Variants in RIBC2 observed in about 807,000 individuals in gnomAD.
RIBC2 encodes RIB43A domain with coiled-coils 2.
A neutral mutation model predicts 44.3 loss-of-function variants in RIBC2; 40 were observed. The ratio of observed to expected loss-of-function variants is 0.90; its 90% CI spans 0.70 to 1.18. The LOEUF (loss-of-function observed/expected upper bound fraction) is 1.18. RIBC2 is among the 50% of genes most tolerant of loss of function. RIBC2 has a pLI of 0.00. For synonymous variants in RIBC2, 171 were observed against 175.0 expected, an observed-to-expected ratio of 0.98 and a Z score of 0.18; for missense variants, 459 against 485.5, an observed-to-expected ratio of 0.95 and a Z score of 0.51.
intron 2 of RIBC2, among the ~76,000 whole-genome samples, chr22:45,416,540 C>T (rs753915523): frequency 2.0e-5 from 3 of 152,174 alleles, no homozygotes; most frequent in East Asian, 1.9e-4. Flanking sequence ...CGGCTCACTG[C>T]AACCTCTGCC....
chr22:45,417,924 C>T lies in RIBC2; in HGVS notation c.534C>T (p.Ala178=), dbSNP rs1269312163. ...SLQQQREWKN[A]RAEQKCAEAL... is the part of the protein sequence containing the mutation. ...AGCAGCAAAGGGAATGGAAGAACGC[C>T]CGTGCTGAACAAAAATGCGCAGGTA... The change falls in exon 3 of 7, where the codon GCC becomes GCT. Residue 178 remains alanine (A), a synonymous_variant. Transcript: ENST00000614167. 4.4e-6 allele frequency: 7 copies of T among 1,603,760 alleles called. No homozygotes were observed. The highest frequency in any genetic ancestry group is 6.0e-6 in the Non-Finnish European group (7 of 1,174,462).
intron 3 of RIBC2, 153 bp downstream of exon 3, chr22:45,418,099 G>T: frequency 1.7e-6 from 1 of 581,396 alleles, no homozygotes. Flanking sequence ...CTACCAATGT[G>T]CACAGACAGC....
In RIBC2 at chr22:45,430,883, G is replaced by T. The variant is rs561296708; in HGVS notation, c.904-17G>T. 4.5e-6 allele frequency: 7 copies of T among 1,550,390 alleles called. No individual in the cohort carries two copies. Among genetic ancestry groups the T allele is most frequent in the Middle Eastern group, 1.8e-4 (1 of 5,572 alleles). On this transcript the variant is annotated splice_polypyrimidine_tract_variant and intron_variant, in intron 5 of 6. Coordinates refer to ENST00000614167, the MANE Select transcript of RIBC2 (RefSeq NM_015653.5). ...CTCTGGGGAAAGGTGGTGGTGAGCC[G>T]CCTCTTTTCCTTCCAGAGGCTCCAG...
Position 45,417,699 on chromosome 22 carries a change from A to G in RIBC2, c.309A>G (p.Gln103=). Residue 103 remains glutamine (Q), a synonymous_variant, in exon 3 of 7, where the codon CAA becomes CAG. Transcript: ENST00000614167. ...TCTGTAGGGCTATCAATGACTTCCA[A>G]CAGAGCTTTCAGAAGCCAGAAACTC... is the stretch of plus-strand genomic sequence containing the variant. The part of the protein sequence containing the change: ...KNLCRAINDF[Q]QSFQKPETRR... 8 of 1,614,198 alleles carry G rather than the reference A, an allele frequency of 5.0e-6. No individual in the cohort carries two copies. Among genetic ancestry groups the G allele is most frequent in the South Asian group, 1.1e-5 (1 of 91,074 alleles).
chr22:45,431,612 G>A (rs775669661), intron 6 of RIBC2, among the ~76,000 whole-genome samples: 9 of 152,118 alleles, frequency 5.9e-5, no homozygotes, highest in East Asian at 1.9e-4. Context: ...TCTCCAATCC[G>A]ATATCTGGTT....
chr22:45,414,449 C>T (rs1223744517), intron 2 of RIBC2, 46 bp downstream of exon 2: 2 of 1,341,224 alleles, frequency 1.5e-6, no homozygotes, highest in Admixed American at 2.5e-5. Flanking sequence ...GATTGTGTGG[C>T]TTTAGACTCC....
At chr22:45,421,447 C>T (rs1328725062) in intron 3 of RIBC2, among the ~76,000 whole-genome samples, 1 of 146,130 alleles carries the variant, frequency 6.8e-6, no homozygotes, top group Non-Finnish European at 1.5e-5. Context: ...ATAAATTCAT[C>T]TAACTTCTCT....
intron 4 of RIBC2, among the ~76,000 whole-genome samples, chr22:45,422,873 C>T (rs1182944122): frequency 6.6e-6 from 1 of 152,100 alleles, no homozygotes; most frequent in African/African-American, 2.4e-5. Flanking sequence ...CTCCTGAGAC[C>T]TCCCACCTCC....
intron 2 of RIBC2, among the ~76,000 whole-genome samples, chr22:45,414,843 C>G (rs567409372): frequency 6.6e-6 from 1 of 151,980 alleles, no homozygotes; most frequent in South Asian, 2.1e-4. Context: ...ATAGGAAAAG[C>G]CTTAAACACA....
At chr22:45,415,267 G>T (rs1032476911) in intron 2 of RIBC2, among the ~76,000 whole-genome samples, 1 of 148,286 alleles carries the variant, frequency 6.7e-6, no homozygotes, top group Non-Finnish European at 1.5e-5. Context: ...AGAAAAAAAA[G>T]CAGGATACAA....
At chr22:45,417,565 G>A (rs5764723) in intron 2 of RIBC2, 37 bp from the exon 3 acceptor site, 154,192 of 1,450,484 alleles carry the variant, frequency 0.11, 8,664 homozygotes, top group South Asian at 0.17. Flanking sequence ...TTTTTCCTCT[G>A]AATCCTAAGC....
Position 45,422,374 on chromosome 22 carries a change from T to C in RIBC2, c.641T>C (p.Val214Ala), listed in dbSNP as rs1394496538. The change falls in exon 4 of 7, where the codon GTT (valine) becomes GCT (alanine). Residue 214 changes from valine to alanine, a missense_variant. Coordinates refer to ENST00000614167, the MANE Select transcript of RIBC2 (RefSeq NM_015653.5). ...CTGGAAAGCACCACCAGAAAGGCAG[T>C]TTGTGCATCTGTGAAAGACTTCAAC... ...QKLESTTRKA[V>A]CASVKDFNKS... 6.2e-7 allele frequency: 1 copy of C among 1,614,114 alleles called. No homozygotes were observed. The highest frequency in any genetic ancestry group is 1.1e-5 in the South Asian group (1 of 91,082).
chr22:45,414,994 G>GTATTCAAGTACCTTGAATACTGT (rs2087407179), intron 2 of RIBC2, among the ~76,000 whole-genome samples: 1 of 152,028 alleles, frequency 6.6e-6, no homozygotes, highest in Admixed American at 6.6e-5. Flanking sequence ...TCAAATCATA[G>GTATTCAAGTACCTTGAATACTGT]TATTCAAGTA....
intron 3 of RIBC2, 130 bp from the exon 4 acceptor site, chr22:45,422,160 T>G (rs527326230): frequency 4.0e-4 from 282 of 699,320 alleles, no homozygotes; most frequent in Middle Eastern, 8.0e-4. Flanking sequence ...CAGAGGCAGG[T>G]CCTGTCATTA....
chr22:45,421,592 A>T (rs62226843), intron 3 of RIBC2, among the ~76,000 whole-genome samples: 1 of 34,926 alleles, frequency 2.9e-5, no homozygotes, highest in African/African-American at 1.2e-4. Context: ...AATAATAATA[A>T]TAGTATTATT....
intron 5 of RIBC2, among the ~76,000 whole-genome samples, chr22:45,427,669 C>CT (rs2146888674): frequency 6.6e-6 from 1 of 152,342 alleles, no homozygotes; most frequent in African/African-American, 2.4e-5. Flanking sequence ...CAGTCTCACT[C>CT]TATCACCCTG....
At chr22:45,416,397 A>G (rs1181094150) in intron 2 of RIBC2, among the ~76,000 whole-genome samples, 1 of 152,166 alleles carries the variant, frequency 6.6e-6, no homozygotes, top group Non-Finnish European at 1.5e-5. Flanking sequence ...TGGGATATTG[A>G]AAAATTGTTT....
At chr22:45,414,063 A>C (rs1277551310) in intron 1 of RIBC2, 48 bp downstream of exon 1, 1 of 1,545,732 alleles carries the variant, frequency 6.5e-7, no homozygotes, top group Admixed American at 2.0e-5. Flanking sequence ...GATGCGGGCG[A>C]GGGGCTGCGT....
intron 6 of RIBC2, among the ~76,000 whole-genome samples, chr22:45,431,713 T>C (rs1008231535): frequency 4.6e-5 from 7 of 152,172 alleles, no homozygotes; most frequent in Non-Finnish European, 1.0e-4. Context: ...CTCACGCCTG[T>C]AATCCCAGCA....
Sources: allele counts gnomAD v4.1 joint callset (sites outside exome capture counted in the v4.1 genomes callset), GRCh38; gene constraint gnomAD v4.1.1; transcripts MANE v1.5; gene names NCBI Gene and HGNC (gene_info 2026-07-23, HGNC 2026-07-21).